The following MDN1 variants were observed in gnomAD, a reference collection of about 807,000 sequenced individuals.
MDN1 encodes midasin.
Under a neutral mutation model 669.2 loss-of-function variants are expected in MDN1, and 266 were observed. The observed-to-expected ratio is 0.40, with a 90% CI of 0.36 to 0.44. The LOEUF (loss-of-function observed/expected upper bound fraction) is 0.44, where lower values mean the gene tolerates loss of function less well. MDN1 is among the 20% of genes least tolerant of loss of function. The probability of loss-of-function intolerance (pLI) is 1.00; values close to 1 mark genes in which losing one functional copy is unlikely to be tolerated. For synonymous variants in MDN1, 2,385 were observed against 2,457.1 expected, an observed-to-expected ratio of 0.97 and a Z score of 0.87; for missense variants, 5,940 against 6,754.0, an observed-to-expected ratio of 0.88 and a Z score of 4.22.
chr6:89,698,968 C>T lies in MDN1; in HGVS notation c.9065G>A (p.Ser3022Asn). 6.2e-7 allele frequency: 1 copy of T among 1,614,022 alleles called. No homozygotes were observed. The highest frequency in any genetic ancestry group is 8.5e-7 in the Non-Finnish European group (1 of 1,179,960). The stretch of plus-strand genomic sequence containing the variant: ...CTCTGGATTTGTGGTCACAGTACTG[C>T]TCCAGAAAGACATAAACATGGAATT... ...LFNSMFMSFW[S>N]STVTTNPEYW... The change falls in exon 59 of 102, where the codon AGC (serine) becomes AAC (asparagine). Residue 3022 changes from serine (S) to asparagine (N), a missense_variant. By Grantham distance (46) the Ser-to-Asn change is conservative. Coordinates refer to ENST00000369393, the MANE Select transcript of MDN1 (RefSeq NM_014611.3).
At chr6:89,697,715 G>A (rs1812863331) in intron 59 of MDN1, among the ~76,000 whole-genome samples, 1 of 151,758 alleles carries the variant, frequency 6.6e-6, no homozygotes, top group Non-Finnish European at 1.5e-5. Flanking sequence ...CCAAGTAGCT[G>A]GGATTCAGGC....
chr6:89,796,177 A>G (rs1819579925), intron 2 of MDN1, among the ~76,000 whole-genome samples: 1 of 151,176 alleles, frequency 6.6e-6, no homozygotes, highest in South Asian at 2.1e-4. Flanking sequence ...ACACAAAATT[A>G]GCCAGGTGTG....
intron 36 of MDN1, among the ~76,000 whole-genome samples, 184 bp from the exon 37 acceptor site, chr6:89,728,139 T>G (rs1010689231): frequency 3.9e-5 from 6 of 152,110 alleles, no homozygotes; most frequent in Non-Finnish European, 7.4e-5. Context: ...CCCCAAGAAC[T>G]TTCCCAACAT....
At chr6:89,796,324 CAAAAAAAAAAAAA>C (rs35169575) in intron 2 of MDN1, among the ~76,000 whole-genome samples, 8 of 45,392 alleles carry the variant, frequency 1.8e-4, no homozygotes, top group Admixed American at 9.2e-4. Context: ...AACTCTGTCT[CAAAAAAAAAAAAA>C]AAAAAAAAAA....
intron 1 of MDN1, among the ~76,000 whole-genome samples, chr6:89,813,090 G>A (rs556377534): frequency 3.3e-5 from 5 of 152,120 alleles, no homozygotes; most frequent in Non-Finnish European, 7.4e-5. Flanking sequence ...ATAGGCATGC[G>A]CCACCACGCC....
At position 89,678,801 on chromosome 6, in the gene MDN1, G is replaced by A. The variant is rs981800370; in HGVS notation, c.12266-56C>T. On this transcript the variant is annotated intron_variant, in intron 74 of 101. Coordinates refer to ENST00000369393, the MANE Select transcript of MDN1 (RefSeq NM_014611.3). Reference sequence around the variant, plus strand: ...ACAATAAGAAAATCCCAGGGGTCTGGTAATGTGTTTGTTACCCAACACCAG... The same window carrying A: ...ACAATAAGAAAATCCCAGGGGTCTGATAATGTGTTTGTTACCCAACACCAG... The A allele has an allele frequency of 3.2e-6, 5 of 1,558,022 alleles. No individual in the cohort carries two copies. In the Admixed American group the frequency reaches 9.6e-5, roughly 30 times the overall value.
chr6:89,679,832 G>A (rs929349037), intron 74 of MDN1, among the ~76,000 whole-genome samples: 1 of 152,248 alleles, frequency 6.6e-6, no homozygotes. Context: ...GGGAGAGTTA[G>A]AGGATGAGGG....
In MDN1 at chr6:89,730,752, C is replaced by T. The variant is rs2128314996; in HGVS notation, c.5114G>A (p.Gly1705Glu). ...KEFTGIDNLWGIHPFFIPRGP... is the reference protein window; with the variant it reads ...KEFTGIDNLWEIHPFFIPRGP... ...CCTTGGTATAAAAAATGGATGAATT[C>T]CCCAAAGGTTATCTATTCCAGTGAA... The change falls in exon 35 of 102, where the codon GGA (glycine) becomes GAA (glutamate). Residue 1705 changes from glycine (G) to glutamate (E), a missense_variant. By Grantham distance (98) the Gly-to-Glu change is moderately conservative. This residue lies in a region of MDN1 where 2,292 missense variants were observed against 2,638.3 expected (regional missense o/e 0.87). Coordinates refer to ENST00000369393, the MANE Select transcript of MDN1 (RefSeq NM_014611.3). 6.2e-7 allele frequency: 1 copy of T among 1,613,758 alleles called. No homozygotes were observed.
At chr6:89,677,111 T>G (rs542214278) in intron 76 of MDN1, among the ~76,000 whole-genome samples, 1 of 152,034 alleles carries the variant, frequency 6.6e-6, no homozygotes, top group Non-Finnish European at 1.5e-5. Flanking sequence ...TCTTTTTTTT[T>G]GACAGAGTCT....
intron 40 of MDN1, 151 bp from the exon 41 acceptor site, chr6:89,719,376 G>T (rs1814657319): frequency 6.1e-6 from 4 of 651,524 alleles, no homozygotes; most frequent in African/African-American, 1.8e-5. Context: ...CTTATAAAAA[G>T]GATTGACTGC....
At chr6:89,783,614 C>T (rs1056747406) in intron 9 of MDN1, among the ~76,000 whole-genome samples, 2 of 152,190 alleles carry the variant, frequency 1.3e-5, no homozygotes, top group African/African-American at 4.8e-5. Flanking sequence ...CCCTTTGAAG[C>T]ATGTGATCTT....
intron 53 of MDN1, among the ~76,000 whole-genome samples, chr6:89,703,307 AT>A (rs1304631684): frequency 6.7e-6 from 1 of 148,270 alleles, no homozygotes; most frequent in Non-Finnish European, 1.5e-5. Context: ...ATTTTTTGCC[AT>A]TAAATTACCT....
intron 1 of MDN1, among the ~76,000 whole-genome samples, chr6:89,814,327 A>G (rs1261835633): frequency 1.3e-5 from 2 of 152,124 alleles, no homozygotes; most frequent in South Asian, 2.1e-4. Context: ...ATAAGATACA[A>G]ATATGACAGA....
intron 32 of MDN1, among the ~76,000 whole-genome samples, chr6:89,739,446 T>G (rs915343521): frequency 6.6e-6 from 1 of 152,214 alleles, no homozygotes. Context: ...TTTCATCTTA[T>G]GATACTGAGG....
rs2128318756 is a variant in MDN1, at chr6:89,750,382, G to C, written c.3378C>G (p.Asp1126Glu). 3 of 1,612,392 alleles carry C rather than the reference G, an allele frequency of 1.9e-6. No individual in the cohort carries two copies. The highest frequency in any genetic ancestry group is 4.5e-5 in the East Asian group (2 of 44,808). ...CCTTAAAGACAAGCTTCCCTGAGGA[G>C]TCAGACGTGTAACAACCAATGTACT... Reference protein sequence around the residue: ...IQEYIGCYTSDSSGKLVFKEG... With the variant: ...IQEYIGCYTSESSGKLVFKEG... The change falls in exon 24 of 102, where the codon GAC becomes GAG. Residue 1126 changes from aspartate (D) to glutamate (E), a missense_variant. Asp to Glu is a conservative substitution (Grantham distance 45). Transcript: ENST00000369393.
chr6:89,747,300 A>C (rs763198053), intron 27 of MDN1, 29 bp downstream of exon 27: 2 of 1,604,070 alleles, frequency 1.2e-6, no homozygotes, highest in Non-Finnish European at 8.5e-7. Flanking sequence ...ACATAACTAT[A>C]TATTGAGAGC....
At position 89,706,049 on chromosome 6, in the gene MDN1, A is replaced by C. The variant is rs1438828290; in HGVS notation, c.8148+10T>G. 1 of 1,576,552 alleles carries C rather than the reference A, an allele frequency of 6.3e-7. No individual in the cohort carries two copies. Among genetic ancestry groups the C allele is most frequent in the African/African-American group, 1.4e-5 (1 of 73,616 alleles). On this transcript the variant is annotated intron_variant, in intron 53 of 101. Coordinates refer to ENST00000369393, the MANE Select transcript of MDN1 (RefSeq NM_014611.3). ...GTTGTTTAAAAATAAAACAAGATGC[A>C]GTTCCTTACCTCATTGGCACTGGCA...
intron 85 of MDN1, among the ~76,000 whole-genome samples, chr6:89,663,494 G>A (rs2128301680): frequency 6.6e-6 from 1 of 152,342 alleles, no homozygotes; most frequent in East Asian, 1.9e-4. Context: ...ATTCATTTTA[G>A]AGTAAGATAC....
chr6:89,812,357 G>A (rs534986268), intron 1 of MDN1, among the ~76,000 whole-genome samples: 2 of 152,172 alleles, frequency 1.3e-5, no homozygotes, highest in South Asian at 4.1e-4. Flanking sequence ...GGCCGAGGCA[G>A]GTAGATTGTC....
Sources: allele counts gnomAD v4.1 joint callset (sites outside exome capture counted in the v4.1 genomes callset), GRCh38; gene constraint gnomAD v4.1.1; regional missense constraint gnomAD v4.1.1; transcripts MANE v1.5; gene names NCBI Gene and HGNC (gene_info 2026-07-23, HGNC 2026-07-21).